PDZRN4: variants seen among roughly 807,000 people sequenced by gnomAD.
PDZRN4 encodes PDZ domain-containing RING finger protein 4.
A neutral mutation model predicts 99.0 loss-of-function variants in PDZRN4; 70 were observed. That is an observed-to-expected ratio of 0.71 (90% CI 0.58 to 0.86). The LOEUF is 0.86. PDZRN4 is among the 40% of genes least tolerant of loss of function. The pLI, the probability that PDZRN4 is intolerant of heterozygous loss-of-function variation, is 0.00. For synonymous variants in PDZRN4, 551 were observed against 501.6 expected, an observed-to-expected ratio of 1.10 and a Z score of -1.32; for missense variants, 1,474 against 1,331.2, an observed-to-expected ratio of 1.11 and a Z score of -1.67.
intron 3 of PDZRN4, among the ~76,000 whole-genome samples, chr12:41,455,252 C>A (rs892680998): frequency 6.6e-6 from 1 of 152,040 alleles, no homozygotes; most frequent in East Asian, 1.9e-4. Flanking sequence ...ATATGAATCC[C>A]ATGGAATAGC....
intron 3 of PDZRN4, among the ~76,000 whole-genome samples, chr12:41,345,372 T>C (rs975686821): frequency 8.5e-5 from 13 of 152,184 alleles, no homozygotes; most frequent in Non-Finnish European, 1.8e-4. Flanking sequence ...TTCTCACTTC[T>C]TTACTGACTC....
At chr12:41,268,123 T>A (rs1309021206) in intron 3 of PDZRN4, among the ~76,000 whole-genome samples, 3 of 152,156 alleles carry the variant, frequency 2.0e-5, no homozygotes, top group Admixed American at 2.0e-4. Flanking sequence ...GGCATTTTTT[T>A]TATTTTTAAC....
chr12:41,531,943 C>T (rs1037760676), intron 5 of PDZRN4, among the ~76,000 whole-genome samples: 3 of 152,004 alleles, frequency 2.0e-5, no homozygotes, highest in African/African-American at 7.2e-5. Context: ...AATTTTAATG[C>T]AGTAAAATAT....
chr12:41,543,449 A>G (rs1938895697), intron 5 of PDZRN4, among the ~76,000 whole-genome samples: 1 of 152,206 alleles, frequency 6.6e-6, no homozygotes, highest in African/African-American at 2.4e-5. Flanking sequence ...CATTTATAAC[A>G]TAAAATTTGT....
intron 8 of PDZRN4, among the ~76,000 whole-genome samples, chr12:41,565,436 C>T (rs1203500972): frequency 8.2e-6 from 1 of 121,808 alleles, no homozygotes; most frequent in African/African-American, 2.9e-5. Flanking sequence ...TATAAAGTGG[C>T]AAAAAAAAAA....
intron 5 of PDZRN4, among the ~76,000 whole-genome samples, chr12:41,549,401 A>G (rs1425766357): frequency 6.6e-6 from 1 of 152,220 alleles, no homozygotes; most frequent in Non-Finnish European, 1.5e-5. Flanking sequence ...TCCTACAAAC[A>G]AAATTGTCTA....
chr12:41,366,080 G>C (rs1951998115), intron 3 of PDZRN4, among the ~76,000 whole-genome samples: 1 of 152,126 alleles, frequency 6.6e-6, no homozygotes, highest in Admixed American at 6.6e-5. Context: ...ACTATTGGAT[G>C]ACCAAGAGAT....
intron 3 of PDZRN4, among the ~76,000 whole-genome samples, chr12:41,461,160 A>C (rs888594734): frequency 1.3e-5 from 2 of 152,138 alleles, no homozygotes; most frequent in Admixed American, 6.6e-5. Context: ...ACAAGCACAA[A>C]AGCAACAGCA....
chr12:41,229,387 A>G (rs1951014928), intron 3 of PDZRN4, among the ~76,000 whole-genome samples: 2 of 151,960 alleles, frequency 1.3e-5, no homozygotes, highest in Non-Finnish European at 2.9e-5. Flanking sequence ...TCAAGATCAC[A>G]ACCAAAATTC....
At chr12:41,549,121 C>A (rs1232044111) in intron 5 of PDZRN4, among the ~76,000 whole-genome samples, 1 of 152,128 alleles carries the variant, frequency 6.6e-6, no homozygotes. Flanking sequence ...GCCATCCATG[C>A]AGGCTTGGCA....
chr12:41,371,592 G>T lies in PDZRN4; in HGVS notation c.844-134864G>T, dbSNP rs146303470. 5.9e-5 allele frequency among the ~76,000 whole-genome samples: 9 copies of T among 152,196 alleles called. No homozygotes were observed. The East Asian group carries it at 1.7e-3, about 29-fold the overall frequency. On this transcript the variant is annotated intron_variant, in intron 3 of 9. Transcript: ENST00000402685. ...AAAAACTAAACAACAACAAATAAAAGAGTCTGTAACTGCCTGAGCTATCAT... is the reference window on the plus strand; with the variant it reads ...AAAAACTAAACAACAACAAATAAAATAGTCTGTAACTGCCTGAGCTATCAT...
intron 3 of PDZRN4, among the ~76,000 whole-genome samples, chr12:41,247,056 T>C (rs1951138008): frequency 6.6e-6 from 1 of 152,092 alleles, no homozygotes; most frequent in East Asian, 1.9e-4. Context: ...ATCCAATATA[T>C]CCAGTCTTCT....
intron 3 of PDZRN4, among the ~76,000 whole-genome samples, chr12:41,397,117 A>G (rs980033209): frequency 3.3e-5 from 5 of 152,212 alleles, no homozygotes; most frequent in African/African-American, 1.2e-4. Flanking sequence ...CTTGTAAGCA[A>G]TAAATGCTTA....
chr12:41,568,658 T>A (rs1474562719), intron 9 of PDZRN4, among the ~76,000 whole-genome samples: 2 of 152,214 alleles, frequency 1.3e-5, no homozygotes, highest in Non-Finnish European at 2.9e-5. Context: ...ATATTATTTT[T>A]ATTGTCTTTT....
At chr12:41,507,389 C>A (rs1938226803) in intron 4 of PDZRN4, among the ~76,000 whole-genome samples, 1 of 152,160 alleles carries the variant, frequency 6.6e-6, no homozygotes, top group Non-Finnish European at 1.5e-5. Flanking sequence ...TTGCCCAATT[C>A]ATTGTGTTCT....
In PDZRN4 at chr12:41,252,439, A is replaced by C. The variant is rs1025792374; in HGVS notation, c.843+58251A>C. ...GGCAGACACAAAAGTTTCATTCACAAGAAACACTTAAATTTTAGGCAAAAC... is the reference window on the plus strand; with the variant it reads ...GGCAGACACAAAAGTTTCATTCACACGAAACACTTAAATTTTAGGCAAAAC... On this transcript the variant is annotated intron_variant, in intron 3 of 9. Transcript: ENST00000402685. Among the ~76,000 whole-genome samples, 4 of 152,162 alleles carry C rather than the reference A, an allele frequency of 2.6e-5. No homozygotes were observed. The East Asian group carries it at 5.8e-4, about 22-fold the overall frequency.
intron 3 of PDZRN4, among the ~76,000 whole-genome samples, chr12:41,470,234 A>C (rs1952972907): frequency 6.6e-6 from 1 of 152,244 alleles, no homozygotes; most frequent in African/African-American, 2.4e-5. Flanking sequence ...CAATTAAACA[A>C]ATCACCCTCA....
At chr12:41,525,950 T>A (rs1411018573) in intron 5 of PDZRN4, among the ~76,000 whole-genome samples, 5 of 152,172 alleles carry the variant, frequency 3.3e-5, no homozygotes, top group East Asian at 1.9e-4. Context: ...CTGCCATTTT[T>A]AAAAAATCTC....
At chr12:41,226,379 T>C (rs1035337466) in intron 3 of PDZRN4, among the ~76,000 whole-genome samples, 1 of 152,102 alleles carries the variant, frequency 6.6e-6, no homozygotes, top group African/African-American at 2.4e-5. Context: ...TACTTCTCAC[T>C]AGATCAAAAG....
Sources: gnomAD v4.1 joint callset for allele counts (sites outside exome capture counted in the v4.1 genomes callset) on GRCh38, gnomAD v4.1.1 for gene constraint, MANE v1.5 for transcripts, NCBI Gene and HGNC (gene_info 2026-07-23, HGNC 2026-07-21) for gene names.